Variants in A1CF observed in about 807,000 individuals in gnomAD.
A1CF encodes APOBEC1 complementation factor.
Under a neutral mutation model 68.9 loss-of-function variants are expected in A1CF, and 48 were observed. The ratio of observed to expected loss-of-function variants is 0.70; its 90% CI spans 0.55 to 0.89. The LOEUF is 0.89. Ranked by LOEUF, A1CF falls within the 40% of genes least tolerant of loss-of-function variation. The pLI, the probability that A1CF is intolerant of heterozygous loss-of-function variation, is 0.00. For synonymous variants in A1CF, 272 were observed against 260.4 expected (o/e 1.04, Z -0.43); for missense variants, 653 against 718.9 (o/e 0.91, Z 1.05).
chr10:50,851,017 C>T (rs1840217361), intron 3 of A1CF, among the ~76,000 whole-genome samples: 1 of 152,142 alleles, frequency 6.6e-6, no homozygotes, highest in Non-Finnish European at 1.5e-5. Flanking sequence ...TAATAAAGAA[C>T]ATTTGGTTTG....
At chr10:50,815,896 T>C in intron 9 of A1CF, 110 bp downstream of exon 9, 1 of 1,298,364 alleles carries the variant, frequency 7.7e-7, no homozygotes, top group Non-Finnish European at 1.1e-6. Flanking sequence ...TAATAAACAA[T>C]TTTTCAGTGC....
At chr10:50,867,972 A>G (rs1400822473) in intron 1 of A1CF, among the ~76,000 whole-genome samples, 1 of 152,194 alleles carries the variant, frequency 6.6e-6, no homozygotes, top group Non-Finnish European at 1.5e-5. Flanking sequence ...TGACTTGGTA[A>G]GCAGAGAAGT....
chr10:50,831,957 T>C (rs998802838), intron 6 of A1CF, among the ~76,000 whole-genome samples: 3 of 152,132 alleles, frequency 2.0e-5, no homozygotes, highest in Non-Finnish European at 4.4e-5. Context: ...ACTTGCATAC[T>C]GTTGATGGGA....
At chr10:50,845,665 C>G (rs1839965465) in intron 3 of A1CF, among the ~76,000 whole-genome samples, 1 of 152,082 alleles carries the variant, frequency 6.6e-6, no homozygotes, top group Non-Finnish European at 1.5e-5. Context: ...TTAAAATATT[C>G]CTTATTGGTC....
intron 1 of A1CF, among the ~76,000 whole-genome samples, chr10:50,869,863 C>T (rs1841167145): frequency 6.6e-6 from 1 of 151,782 alleles, no homozygotes; most frequent in East Asian, 1.9e-4. Context: ...TTGTTTTCTT[C>T]ATTCTTGCTT....
intron 7 of A1CF, among the ~76,000 whole-genome samples, chr10:50,821,258 G>T (rs573978565): frequency 4.6e-5 from 7 of 152,150 alleles, no homozygotes; most frequent in African/African-American, 1.7e-4. Context: ...GAACATCTGG[G>T]AACAAAGATA....
intron 1 of A1CF, among the ~76,000 whole-genome samples, chr10:50,879,665 A>T (rs978586602): frequency 6.6e-6 from 1 of 152,140 alleles, no homozygotes; most frequent in African/African-American, 2.4e-5. Context: ...GTCTCATGAG[A>T]ATTCACTCAT....
At chr10:50,843,802 G>C (rs1839880049) in intron 4 of A1CF, among the ~76,000 whole-genome samples, 186 bp downstream of exon 4, 1 of 152,144 alleles carries the variant, frequency 6.6e-6, no homozygotes, top group Admixed American at 6.6e-5. Flanking sequence ...TCAGTAACAG[G>C]ACAAGAGCTA....
chr10:50,882,458 C>G (rs1251070805), intron 1 of A1CF, among the ~76,000 whole-genome samples: 2 of 151,912 alleles, frequency 1.3e-5, no homozygotes, highest in Admixed American at 1.3e-4. Flanking sequence ...TCATCAACAA[C>G]AAAAAACTGA....
At chr10:50,860,131 T>C (rs1041504167) in intron 2 of A1CF, 146 bp from the exon 3 acceptor site, 5 of 539,054 alleles carry the variant, frequency 9.3e-6, no homozygotes, top group Non-Finnish European at 1.6e-5. Context: ...AACAAGGCTG[T>C]GTAAATGTGC....
rs140265137 is a variant in A1CF, at chr10:50,857,237, G to A, written c.99+2605C>T. On this transcript the variant is annotated intron_variant, in intron 3 of 12. Transcript: ENST00000373997. ...GTCCATGTATGATATTTTAATACACGCGTACAATATGTAATGATCAAATCA... is the reference window on the plus strand; with the variant it reads ...GTCCATGTATGATATTTTAATACACACGTACAATATGTAATGATCAAATCA... 8.5e-3 allele frequency among the ~76,000 whole-genome samples: 1,299 copies of A among 152,148 alleles called. 20 individuals carry two copies. Among genetic ancestry groups the A allele is most frequent in the South Asian group, 0.034 (164 of 4,826 alleles).
chr10:50,864,019 T>C lies in A1CF; in HGVS notation c.-46+14A>G, dbSNP rs1840864213. ...ATATGCCAATACACAGTAAGTAAAA[T>C]ATAGTATACTTACATAATTTTTGTA... On this transcript the variant is annotated intron_variant, in intron 2 of 12. Transcript: ENST00000373997. The C allele has an allele frequency of 6.6e-6, 1 of 152,082 alleles. No homozygotes were observed. Among genetic ancestry groups the C allele is most frequent in the South Asian group, 2.1e-4 (1 of 4,824 alleles). 9.4% of individuals were successfully genotyped at this position (152,082 alleles called of 1,614,324 possible).
chr10:50,848,619 G>A (rs1840101573), intron 3 of A1CF, among the ~76,000 whole-genome samples: 1 of 152,056 alleles, frequency 6.6e-6, no homozygotes, highest in Non-Finnish European at 1.5e-5. Flanking sequence ...TGGCTCTTTG[G>A]AAAGTTCATA....
At chr10:50,879,847 C>G (rs956350638) in intron 1 of A1CF, among the ~76,000 whole-genome samples, 1 of 152,130 alleles carries the variant, frequency 6.6e-6, no homozygotes, top group South Asian at 2.1e-4. Flanking sequence ...GTGGGCCTGT[C>G]AGTCTCTCCA....
chr10:50,859,035 A>G (rs946922624), intron 3 of A1CF, among the ~76,000 whole-genome samples: 2 of 152,182 alleles, frequency 1.3e-5, no homozygotes, highest in Non-Finnish European at 2.9e-5. Context: ...TTTATTGCTA[A>G]TCACACATGA....
chr10:50,821,692 T>A (rs1838683692), intron 7 of A1CF, among the ~76,000 whole-genome samples: 1 of 151,858 alleles, frequency 6.6e-6, no homozygotes, highest in South Asian at 2.1e-4. Flanking sequence ...TGCATCACCA[T>A]GTGCCTGGCT....
chr10:50,828,042 A>T (rs1839051199), intron 7 of A1CF, 89 bp downstream of exon 7: 4 of 943,514 alleles, frequency 4.2e-6, no homozygotes, highest in East Asian at 5.4e-5. Flanking sequence ...TCTAGAAGAA[A>T]TGGACAAATT....
In A1CF at chr10:50,816,127, G is replaced by T; in HGVS notation, c.1020C>A (p.Thr340=). 6.2e-7 allele frequency: 1 copy of T among 1,613,844 alleles called. No individual in the cohort carries two copies. ...SLGQVYDPTT[T]YLGAPVFYAP... ...CATAGAAGACAGGAGCTCCAAGGTA[G>T]GTTGTGGTGGGATCATAAACTTGGC... The change falls in exon 9 of 13, where the codon ACC becomes ACA. Residue 340 remains threonine (T), a synonymous_variant. Coordinates refer to ENST00000373997, the MANE Select transcript of A1CF (RefSeq NM_014576.4).
chr10:50,823,544 G>A (rs987018587), intron 7 of A1CF: 4 of 152,278 alleles, frequency 2.6e-5, no homozygotes, highest in Admixed American at 2.6e-4. Flanking sequence ...GAAGTGTGGT[G>A]CCCTGACCAG....
Sources: gnomAD v4.1 joint callset for allele counts (sites outside exome capture counted in the v4.1 genomes callset) on GRCh38, gnomAD v4.1.1 for gene constraint, MANE v1.5 for transcripts, NCBI Gene and HGNC (gene_info 2026-07-23, HGNC 2026-07-21) for gene names.